The following SPATS2 variants were observed in gnomAD, a reference collection of about 807,000 sequenced individuals.
SPATS2 encodes spermatogenesis associated serine rich 2, also known as spermatogenesis-associated serine-rich protein 2.
A neutral mutation model predicts 63.7 loss-of-function variants in SPATS2; 38 were observed. The ratio of observed to expected loss-of-function variants is 0.60; its 90% confidence interval spans 0.46 to 0.78. The LOEUF (loss-of-function observed/expected upper bound fraction) is 0.78, where lower values mean the gene tolerates loss of function less well. Among genes scored for constraint, SPATS2 ranks in the 30% least tolerant of loss-of-function variants. The probability of loss-of-function intolerance (pLI) is 0.00; values close to 1 mark genes in which losing one functional copy is unlikely to be tolerated. For synonymous variants in SPATS2, 207 were observed against 232.9 expected (o/e 0.89, Z 1.01); for missense variants, 588 against 666.2 (o/e 0.88, Z 1.29).
intron 2 of SPATS2, among the ~76,000 whole-genome samples, chr12:49,409,973 T>G (rs1044976746): frequency 1.3e-5 from 2 of 152,168 alleles, no homozygotes; most frequent in Non-Finnish European, 2.9e-5. Context: ...AATCTTCTTG[T>G]TGGAGTATAT....
chr12:49,491,390 A>G (rs1246146527), intron 6 of SPATS2, among the ~76,000 whole-genome samples: 2 of 152,116 alleles, frequency 1.3e-5, no homozygotes, highest in Non-Finnish European at 2.9e-5. Flanking sequence ...ACTGGGTTGT[A>G]GTCCTGATAT....
Position 49,489,570 on chromosome 12 carries a change from G to T in SPATS2, c.211G>T (p.Glu71Ter). ...CVDKTVQAFM[E>*]GSASEVLKEW... ...GGACAAAACAGTACAAGCATTCATG[G>T]AAGGTAATCCTGACTTAATTTTAAA... The change falls in exon 5 of 14, where the codon GAA becomes TAA. Residue 71 changes from glutamate to a stop codon, truncating the protein, a stop_gained. Transcript: ENST00000552918. LOFTEE classifies it high-confidence loss of function. 6.2e-7 allele frequency: 1 copy of T among 1,609,576 alleles called. No homozygotes were observed. The highest frequency in any genetic ancestry group is 8.5e-7 in the Non-Finnish European group (1 of 1,177,914).
chr12:49,519,705 C>T (rs897553928), intron 11 of SPATS2, among the ~76,000 whole-genome samples: 3 of 152,288 alleles, frequency 2.0e-5, no homozygotes, highest in East Asian at 1.9e-4. Context: ...ACCATCCCCC[C>T]GGTCCTCTGC....
intron 3 of SPATS2, chr12:49,461,243 G>A (rs1023931271): frequency 5.2e-6 from 3 of 575,496 alleles, no homozygotes; most frequent in African/African-American, 1.9e-5. Flanking sequence ...TTAGCAAATT[G>A]TAATATGCTT....
chr12:49,426,500 G>A (rs1945078727), intron 2 of SPATS2, among the ~76,000 whole-genome samples: 1 of 152,148 alleles, frequency 6.6e-6, no homozygotes, highest in Non-Finnish European at 1.5e-5. Flanking sequence ...CATTGCTTTT[G>A]AAATTCATCC....
At chr12:49,474,143 G>C (rs776415013) in intron 3 of SPATS2, among the ~76,000 whole-genome samples, 3 of 152,114 alleles carry the variant, frequency 2.0e-5, no homozygotes, top group African/African-American at 7.2e-5. Context: ...TTTTTAAAAG[G>C]ACATTTCATT....
At chr12:49,464,627 T>TAA (rs562743662) in intron 3 of SPATS2, among the ~76,000 whole-genome samples, 7 of 107,268 alleles carry the variant, frequency 6.5e-5, no homozygotes, top group African/African-American at 1.0e-4. Context: ...AACTCCATCT[T>TAA]AAAAAAAAAA....
chr12:49,478,641 G>A (rs2137800013), intron 3 of SPATS2, among the ~76,000 whole-genome samples: 1 of 152,306 alleles, frequency 6.6e-6, no homozygotes, highest in South Asian at 2.1e-4. Flanking sequence ...GGAGAAAGTT[G>A]ATACCATTAG....
intron 4 of SPATS2, among the ~76,000 whole-genome samples, chr12:49,485,078 T>TG (rs1190593075): frequency 6.6e-6 from 1 of 151,694 alleles, no homozygotes; most frequent in African/African-American, 2.4e-5. Flanking sequence ...TTTTTTTTTT[T>TG]TTTTTTGAGA....
intron 2 of SPATS2, chr12:49,406,461 T>TA (rs1477859884): frequency 6.6e-6 from 1 of 152,008 alleles, no homozygotes; most frequent in East Asian, 1.9e-4. Flanking sequence ...ATTTTTTTTT[T>TA]ACTTTTTGTA....
chr12:49,419,324 A>G (rs1944941121), intron 2 of SPATS2, among the ~76,000 whole-genome samples: 1 of 152,252 alleles, frequency 6.6e-6, no homozygotes, highest in African/African-American at 2.4e-5. Context: ...TTTGGGCAAA[A>G]TAATTACTTG....
intron 2 of SPATS2, among the ~76,000 whole-genome samples, chr12:49,453,874 T>TTC (rs1945670519): frequency 7.0e-6 from 1 of 143,828 alleles, no homozygotes; most frequent in Non-Finnish European, 1.5e-5. Flanking sequence ...TTTTTTTTTT[T>TTC]TTTTTTGAGA....
At chr12:49,450,693 G>A (rs1488671233) in intron 2 of SPATS2, among the ~76,000 whole-genome samples, 8 of 151,588 alleles carry the variant, frequency 5.3e-5, no homozygotes, top group South Asian at 4.2e-4. Flanking sequence ...ACAGGCATGC[G>A]TCACCATGCC....
chr12:49,410,021 G>A (rs1944768911), intron 2 of SPATS2, among the ~76,000 whole-genome samples: 1 of 152,032 alleles, frequency 6.6e-6, no homozygotes, highest in South Asian at 2.1e-4. Context: ...TTAAGCAAAT[G>A]GTGAAGAATT....
At chr12:49,434,138 A>G (rs1466516924) in intron 2 of SPATS2, among the ~76,000 whole-genome samples, 2 of 152,166 alleles carry the variant, frequency 1.3e-5, no homozygotes, top group African/African-American at 2.4e-5. Context: ...GTTAGTCTAA[A>G]TGTATGTCTT....
At chr12:49,385,412 G>C (rs1373807644) in intron 2 of SPATS2, among the ~76,000 whole-genome samples, 1 of 151,658 alleles carries the variant, frequency 6.6e-6, no homozygotes. Context: ...GATAGAGACA[G>C]AGACAGATTC....
At chr12:49,512,042 A>G (rs1453730708) in intron 9 of SPATS2, among the ~76,000 whole-genome samples, 1 of 152,254 alleles carries the variant, frequency 6.6e-6, no homozygotes, top group East Asian at 1.9e-4. Flanking sequence ...TAACCTAAAA[A>G]TAGGTCATTC....
intron 9 of SPATS2, among the ~76,000 whole-genome samples, chr12:49,513,468 T>C (rs1946786341): frequency 6.6e-6 from 1 of 152,224 alleles, no homozygotes; most frequent in Admixed American, 6.5e-5. Flanking sequence ...AGGGTACTAC[T>C]GTCTCCTTAT....
At chr12:49,428,302 T>C (rs1787709559) in intron 2 of SPATS2, among the ~76,000 whole-genome samples, 1 of 152,036 alleles carries the variant, frequency 6.6e-6, no homozygotes, top group African/African-American at 2.4e-5. Context: ...TTCAGTAGAA[T>C]GCACATAACA....
Sources: gnomAD v4.1 joint callset for allele counts (sites outside exome capture counted in the v4.1 genomes callset) on GRCh38, gnomAD v4.1.1 for gene constraint, MANE v1.5 for transcripts, NCBI Gene and HGNC (gene_info 2026-07-23, HGNC 2026-07-21) for gene names.